The following UST variants were observed in gnomAD, a reference collection of about 807,000 sequenced individuals.
UST encodes the protein chondroitin sulfate 2-O-sulfotransferase.
In UST, 21 loss-of-function variants were observed where a neutral mutation model predicts 45.6. The observed-to-expected ratio is 0.46, with a 90% confidence interval of 0.33 to 0.66. UST has a LOEUF of 0.66. Ranked by LOEUF, UST falls within the 30% of genes least tolerant of loss-of-function variation. The pLI, the probability that UST is intolerant of heterozygous loss-of-function variation, is 0.02. For synonymous variants in UST, 215 were observed against 200.6 expected, an observed-to-expected ratio of 1.07 and a Z score of -0.61; for missense variants, 463 against 512.4, an observed-to-expected ratio of 0.90 and a Z score of 0.93.
chr6:148,834,872 CCA>C (rs1777758318), intron 1 of UST, among the ~76,000 whole-genome samples: 1 of 152,158 alleles, frequency 6.6e-6, no homozygotes. Flanking sequence ...TAAATTTCTT[CCA>C]CAGTTTGCTA....
Position 149,074,505 on chromosome 6 carries a change from G to C in UST, c.*389G>C. ...GAGACATCCAGACTTGTATATTTCA[G>C]TGGAAATACAAAACCACTTCAGAGA... On this transcript the variant is annotated 3_prime_UTR_variant, in exon 8 of 8. Coordinates refer to ENST00000367463, the MANE Select transcript of UST (RefSeq NM_005715.3). The C allele has an allele frequency of 4.9e-6, 1 of 204,996 alleles. No homozygotes were observed. The highest frequency in any genetic ancestry group is 1.0e-5 in the Non-Finnish European group (1 of 99,834). 12.7% of individuals were successfully genotyped at this position (204,996 alleles called of 1,614,324 possible). A position where few individuals can be genotyped will look rare whatever the true frequency, so the allele number is the denominator to read the frequency against.
chr6:149,031,051 A>G (rs1337091347), intron 7 of UST, among the ~76,000 whole-genome samples: 2 of 152,138 alleles, frequency 1.3e-5, no homozygotes, highest in African/African-American at 4.8e-5. Flanking sequence ...TACTAAAAAT[A>G]CAAAAATTAG....
chr6:148,862,954 T>C (rs959637624), intron 1 of UST, among the ~76,000 whole-genome samples: 1 of 152,212 alleles, frequency 6.6e-6, no homozygotes, highest in African/African-American at 2.4e-5. Flanking sequence ...TCAACTTTGG[T>C]GAATCTGACA....
At chr6:148,949,398 TAATAATAATAATAATAATAA>T (rs1344000333) in intron 3 of UST, among the ~76,000 whole-genome samples, 1 of 60,894 alleles carries the variant, frequency 1.6e-5, no homozygotes, top group Non-Finnish European at 4.1e-5. Context: ...TGTCTCAAAA[TAATAATAATAATAATAATAA>T]TAATAATAAT....
intron 1 of UST, among the ~76,000 whole-genome samples, chr6:148,769,814 C>T (rs1045685714): frequency 3.3e-5 from 5 of 150,876 alleles, no homozygotes; most frequent in East Asian, 1.9e-4. Flanking sequence ...AAAATTCTGC[C>T]GCTAGGCATT....
At chr6:148,979,732 G>A (rs2449381) in intron 5 of UST, among the ~76,000 whole-genome samples, 120,481 of 152,120 alleles carry the variant, frequency 0.79, 47,959 homozygotes, top group African/African-American at 0.88. Context: ...TGCCATGCCC[G>A]CTCTTAGCTC....
intron 1 of UST, among the ~76,000 whole-genome samples, chr6:148,755,559 CCCT>C (rs1776078158): frequency 2.0e-5 from 3 of 151,944 alleles, no homozygotes; most frequent in Admixed American, 2.0e-4. Context: ...GTGGGAGGAA[CCCT>C]GTGGGAGGTA....
chr6:148,968,678 G>C (rs1780855048), intron 5 of UST, among the ~76,000 whole-genome samples: 1 of 152,264 alleles, frequency 6.6e-6, no homozygotes, highest in Non-Finnish European at 1.5e-5. Context: ...AGATGAGGGA[G>C]AGCATCTTAT....
intron 1 of UST, among the ~76,000 whole-genome samples, chr6:148,853,610 C>A (rs1419723108): frequency 6.6e-6 from 1 of 152,176 alleles, no homozygotes; most frequent in African/African-American, 2.4e-5. Flanking sequence ...TCTCTGCAAC[C>A]TCACCGGCAT....
At chr6:148,793,894 A>G (rs923454794) in intron 1 of UST, among the ~76,000 whole-genome samples, 1 of 152,090 alleles carries the variant, frequency 6.6e-6, no homozygotes, top group Non-Finnish European at 1.5e-5. Flanking sequence ...TGATTGATGG[A>G]CTTTTGGGTT....
At chr6:149,010,913 A>ACAAAAAAAAC (rs1554234077) in intron 5 of UST, among the ~76,000 whole-genome samples, 4 of 92,968 alleles carry the variant, frequency 4.3e-5, no homozygotes, top group African/African-American at 1.3e-4. Flanking sequence ...AAAAAAAAAA[A>ACAAAAAAAAC]AAAAAACTGT....
chr6:148,841,581 GT>G (rs770638985), intron 1 of UST, among the ~76,000 whole-genome samples: 24 of 111,248 alleles, frequency 2.2e-4, no homozygotes, highest in South Asian at 6.3e-4. Flanking sequence ...GGTCTGTTTT[GT>G]TTTTGTTTTT....
chr6:149,032,737 G>A (rs1776173043), intron 7 of UST, among the ~76,000 whole-genome samples: 1 of 152,142 alleles, frequency 6.6e-6, no homozygotes, highest in Non-Finnish European at 1.5e-5. Context: ...AGCCCCAGAT[G>A]CCCCCCTCTG....
intron 1 of UST, among the ~76,000 whole-genome samples, chr6:148,869,742 A>G (rs1169035046): frequency 6.6e-6 from 1 of 152,140 alleles, no homozygotes; most frequent in Non-Finnish European, 1.5e-5. Flanking sequence ...TTTATTTGAA[A>G]CATCCGGTAG....
intron 1 of UST, among the ~76,000 whole-genome samples, chr6:148,796,797 CT>C (rs1195878764): frequency 0.2 from 14,240 of 71,746 alleles, 367 homozygotes; most frequent in Middle Eastern, 0.27. Context: ...TCTGATAATT[CT>C]TTTTTTTTTT....
chr6:148,903,215 CATT>C (rs1779293425), intron 2 of UST, among the ~76,000 whole-genome samples: 1 of 151,978 alleles, frequency 6.6e-6, no homozygotes, highest in African/African-American at 2.4e-5. Flanking sequence ...AGTTTTATAA[CATT>C]ATCCAGAATA....
At chr6:149,060,102 G>T (rs1284901244) in intron 7 of UST, among the ~76,000 whole-genome samples, 1 of 152,170 alleles carries the variant, frequency 6.6e-6, no homozygotes, top group Non-Finnish European at 1.5e-5. Context: ...AGCGGTTTCT[G>T]CATTTTTAAA....
chr6:148,984,242 G>C (rs1781195584), intron 5 of UST, among the ~76,000 whole-genome samples: 1 of 152,176 alleles, frequency 6.6e-6, no homozygotes, highest in Non-Finnish European at 1.5e-5. Context: ...CACAGATGTG[G>C]TTCTAGCCCT....
At position 148,747,273 on chromosome 6, in the gene UST, C is replaced by G; in HGVS notation, c.-158C>G. On this transcript the variant is annotated 5_prime_UTR_variant, in exon 1 of 8. Transcript: ENST00000367463. The stretch of plus-strand genomic sequence containing the variant: ...CGGCGGGGACCATGCCGAAGAAAGT[C>G]TCCTGAGCCCGGCAACTTCGGCCCC... The G allele has an allele frequency of 5.8e-6, 5 of 866,384 alleles. No individual in the cohort carries two copies. The highest frequency in any genetic ancestry group is 6.2e-6 in the Non-Finnish European group (4 of 644,430). The allele number at this position is 866,384 out of a possible 1,614,324, so 53.7% of individuals were successfully genotyped here.
Sources: gnomAD v4.1 joint callset for allele counts (sites outside exome capture counted in the v4.1 genomes callset) on GRCh38, gnomAD v4.1.1 for gene constraint, MANE v1.5 for transcripts, NCBI Gene and HGNC (gene_info 2026-07-23, HGNC 2026-07-21) for gene names.